The following MID1 variants were observed in gnomAD, a reference collection of about 807,000 sequenced individuals.
MID1 encodes midline 1.
In MID1, 7 loss-of-function variants were observed where a neutral mutation model predicts 40.4. The observed-to-expected ratio is 0.17, with a 90% confidence interval of 0.10 to 0.33. The LOEUF (loss-of-function observed/expected upper bound fraction) is 0.33, where lower values mean the gene tolerates loss of function less well. MID1 is among the 10% of genes least tolerant of loss of function. The pLI, the probability that MID1 is intolerant of heterozygous loss-of-function variation, is 1.00. For synonymous variants in MID1, 229 were observed against 221.2 expected, an observed-to-expected ratio of 1.04 and a Z score of -0.31; for missense variants, 367 against 558.5, an observed-to-expected ratio of 0.66 and a Z score of 3.46.
intron 1 of MID1, among the ~76,000 whole-genome samples, chrX:10,695,016 T>C (rs1051856108): frequency 8.9e-6 from 1 of 111,934 alleles, no homozygotes; most frequent in Non-Finnish European, 1.9e-5. Flanking sequence ...TGAAGTCTGC[T>C]AAGATATAGA....
At chrX:10,607,538 C>T (rs954354964) in intron 1 of MID1, among the ~76,000 whole-genome samples, 1 of 112,206 alleles carries the variant, frequency 8.9e-6, no homozygotes, top group Non-Finnish European at 1.9e-5. Context: ...TTGGGATTGA[C>T]GCCCACAGAG....
At chrX:10,735,870 T>C (rs986370119) in intron 1 of MID1, among the ~76,000 whole-genome samples, 2 of 109,915 alleles carry the variant, frequency 1.8e-5, no homozygotes, top group Admixed American at 9.7e-5. Flanking sequence ...TTCTAAAATA[T>C]TTTCCCCTGC....
rs760270559 is a variant in MID1, at chrX:10,601,407, T to A, written c.-57+18883A>T. 2.7e-5 allele frequency among the ~76,000 whole-genome samples: 3 copies of A among 112,710 alleles called. No individual in the cohort carries two copies. The East Asian group carries it at 8.4e-4, about 31-fold the overall frequency. On this transcript the variant is annotated intron_variant, in intron 1 of 9. Coordinates refer to ENST00000317552, the MANE Select transcript of MID1 (RefSeq NM_000381.4). ...ATTGTTTAAATATTATTTTGTGACT[T>A]GTGAAAATTATGTGAAATTCAAATT...
At position 10,663,049 on chromosome X, in the gene MID1, A is replaced by G. The variant is rs146711115; in HGVS notation, c.-186-42630T>C. Among the ~76,000 whole-genome samples, 3 of 112,088 alleles carry G rather than the reference A, an allele frequency of 2.7e-5. No individual in the cohort carries two copies. In the East Asian group the frequency reaches 8.3e-4, roughly 31 times the overall value. ...TTCTTTTTAAACTGTAACAATTAAA[A>G]GCATTTTGTGAGTGACCTAGGAACA... On this transcript the variant is annotated intron_variant, in intron 1 of 10. Transcript: ENST00000380785.
chrX:10,574,595 T>G (rs551323048), intron 1 of MID1, among the ~76,000 whole-genome samples: 1 of 112,397 alleles, frequency 8.9e-6, no homozygotes, highest in Admixed American at 9.4e-5. Flanking sequence ...ACCTTTTTAA[T>G]GATAAGGTAA....
At chrX:10,608,823 T>G (rs775331741) in intron 1 of MID1, among the ~76,000 whole-genome samples, 1 of 112,004 alleles carries the variant, frequency 8.9e-6, no homozygotes, top group African/African-American at 3.2e-5. Flanking sequence ...TTTCTACCTT[T>G]TGTATTTACT....
intron 1 of MID1, among the ~76,000 whole-genome samples, chrX:10,710,961 G>A (rs1454058941): frequency 9.0e-6 from 1 of 111,304 alleles, no homozygotes; most frequent in Non-Finnish European, 1.9e-5. Flanking sequence ...GACAGAAACC[G>A]GCCATGTCTT....
At chrX:10,810,019 C>G (rs1224074888) in intron 1 of MID1, among the ~76,000 whole-genome samples, 1 of 111,440 alleles carries the variant, frequency 9.0e-6, no homozygotes, top group Non-Finnish European at 1.9e-5. Context: ...GTAAAATATT[C>G]ATAACGTAAA....
intron 1 of MID1, among the ~76,000 whole-genome samples, chrX:10,577,603 C>T (rs1934906369): frequency 9.2e-6 from 1 of 108,327 alleles, no homozygotes; most frequent in African/African-American, 3.4e-5. Flanking sequence ...CACATACACA[C>T]GTATGCATAC....
intron 3 of MID1, among the ~76,000 whole-genome samples, chrX:10,510,629 G>A (rs754965283): frequency 1.5e-3 from 165 of 108,347 alleles, no homozygotes; most frequent in Middle Eastern, 4.9e-3. Context: ...TCAGGAGATC[G>A]AGACCATCCT....
chrX:10,590,906 T>C (rs1406539397), intron 1 of MID1, among the ~76,000 whole-genome samples: 1 of 111,806 alleles, frequency 8.9e-6, no homozygotes, highest in Non-Finnish European at 1.9e-5. Context: ...ATCTTATTTG[T>C]TTATTTAAAA....
chrX:10,764,243 T>G (rs989145967), intron 1 of MID1, among the ~76,000 whole-genome samples: 5 of 111,735 alleles, frequency 4.5e-5, no homozygotes, highest in Non-Finnish European at 7.5e-5. Context: ...TCCTTGCCCA[T>G]GCCTATGTCC....
At chrX:10,734,270 A>G (rs1044114028) in intron 1 of MID1, among the ~76,000 whole-genome samples, 1 of 112,018 alleles carries the variant, frequency 8.9e-6, no homozygotes, top group African/African-American at 3.2e-5. Context: ...TATTATTCTT[A>G]GCAAACTAAC....
chrX:10,755,808 A>C (rs899531994), intron 1 of MID1, among the ~76,000 whole-genome samples: 1 of 112,043 alleles, frequency 8.9e-6, no homozygotes, highest in African/African-American at 3.2e-5. Flanking sequence ...AGAGTTCCAG[A>C]AAGTTTAGAA....
chrX:10,507,150 C>G (rs1055296590), intron 3 of MID1, among the ~76,000 whole-genome samples: 25 of 110,261 alleles, frequency 2.3e-4, no homozygotes, highest in Non-Finnish European at 2.3e-4. Flanking sequence ...CTCCCTACCC[C>G]CTTTTTTTCC....
At chrX:10,771,387 T>C (rs1326209751) in intron 1 of MID1, among the ~76,000 whole-genome samples, 2 of 111,738 alleles carry the variant, frequency 1.8e-5, no homozygotes, top group Admixed American at 9.5e-5. Context: ...TGGAAAACTA[T>C]TTTTGCATCC....
chrX:10,522,023 A>G (rs111776757), intron 3 of MID1, among the ~76,000 whole-genome samples: 1,731 of 110,970 alleles, frequency 0.016, 30 homozygotes, highest in African/African-American at 0.05. Context: ...GTATTTTTTA[A>G]TAGAGATGGG....
At position 10,760,998 on chromosome X, in the gene MID1, A is replaced by G. The variant is rs144633507; in HGVS notation, c.-187+72556T>C. On this transcript the variant is annotated intron_variant, in intron 1 of 10. Transcript: ENST00000380785. The stretch of plus-strand genomic sequence containing the variant: ...CCTCCCGCCTTGAAATGAATTGTCT[A>G]AGCTTTGCTATCATGTTATTTTCTA... Among the ~76,000 whole-genome samples the G allele has an allele frequency of 1.7e-3, 192 of 111,649 alleles. 1 individual carries two copies. The Middle Eastern group carries it at 0.032, about 19-fold the overall frequency.
rs1934337516 is a variant in MID1, at chrX:10,561,500, A to G, written c.660+5388T>C. Among the ~76,000 whole-genome samples, 2 of 107,252 alleles carry G rather than the reference A, an allele frequency of 1.9e-5. 1 individual carries two copies. Among genetic ancestry groups the G allele is most frequent in the African/African-American group, 7.5e-5 (2 of 26,842 alleles). The allele number at this position is 107,252 out of a possible 115,157, so 93.1% of individuals were successfully genotyped here. On this transcript the variant is annotated intron_variant, in intron 2 of 9. Transcript: ENST00000317552. ...AAAGGGCTAATATCCAGAATCTACA[A>G]AGAACTTAAACAAATTTACAAGAAA...
Sources: gnomAD v4.1 joint callset for allele counts (sites outside exome capture counted in the v4.1 genomes callset) on GRCh38, gnomAD v4.1.1 for gene constraint, MANE v1.5 for transcripts, NCBI Gene and HGNC (gene_info 2026-07-23, HGNC 2026-07-21) for gene names.